Variants in TNS1 observed in about 807,000 individuals in gnomAD.
The protein encoded by TNS1 is tensin 1, also known as tensin-1.
In TNS1, 62 loss-of-function variants were observed where a neutral mutation model predicts 168.6. The observed-to-expected ratio is 0.37, with a 90% CI of 0.30 to 0.45. The LOEUF is 0.45. TNS1 is among the 20% of genes least tolerant of loss of function. TNS1 has a pLI of 1.00. For synonymous variants in TNS1, 934 were observed against 933.2 expected (o/e 1.00, Z -0.02); for missense variants, 2,240 against 2,339.4 (o/e 0.96, Z 0.88).
Position 217,804,310 on chromosome 2 carries a change from T to A in TNS1, c.*149A>T. 3.2e-5 allele frequency: 22 copies of A among 693,788 alleles called. No homozygotes were observed. Among genetic ancestry groups the A allele is most frequent in the Non-Finnish European group, 3.8e-5 (16 of 416,296 alleles). The allele number at this position is 693,788 out of a possible 1,614,324, so 43.0% of individuals were successfully genotyped here. On this transcript the variant is annotated 3_prime_UTR_variant, in exon 33 of 33. Coordinates refer to ENST00000682258, the MANE Select transcript of TNS1 (RefSeq NM_001387777.1). ...TCTCTTTTCCCCCTCCCCTCTGCAA[T>A]TCACTTCCCTCTCCCCACGTTGCAC...
chr2:217,859,160 C>T, intron 18 of TNS1: 1 of 164,408 alleles, frequency 6.1e-6, no homozygotes, highest in Non-Finnish European at 1.3e-5. Flanking sequence ...AATCTGGGAG[C>T]AAAGTGAAAC....
At chr2:217,829,431 T>A (rs1413909334) in intron 22 of TNS1, among the ~76,000 whole-genome samples, 2 of 152,060 alleles carry the variant, frequency 1.3e-5, no homozygotes, top group Non-Finnish European at 1.5e-5. Flanking sequence ...GGTGCCAACG[T>A]GGAGAATCTC....
chr2:217,967,146 C>T (rs986119884), intron 3 of TNS1, among the ~76,000 whole-genome samples: 47 of 152,014 alleles, frequency 3.1e-4, no homozygotes, highest in Admixed American at 1.0e-3. Context: ...GGTGAAACCC[C>T]ATCTCTACTA....
chr2:217,937,539 G>C (rs187971239), intron 3 of TNS1, among the ~76,000 whole-genome samples: 4 of 152,202 alleles, frequency 2.6e-5, no homozygotes, highest in East Asian at 1.9e-4. Context: ...AGTCTCAGCC[G>C]GTGATTAGGG....
intron 18 of TNS1, among the ~76,000 whole-genome samples, chr2:217,872,323 T>C (rs1408235447): frequency 6.6e-6 from 1 of 152,122 alleles, no homozygotes; most frequent in Non-Finnish European, 1.5e-5. Context: ...AAGGGACCTG[T>C]TGCCAGAATA....
At chr2:217,872,563 G>C (rs1186683017) in intron 18 of TNS1, among the ~76,000 whole-genome samples, 12 of 152,236 alleles carry the variant, frequency 7.9e-5, no homozygotes, top group Admixed American at 7.8e-4. Flanking sequence ...ATAAATGTGG[G>C]TGAGGATGCG....
At chr2:218,006,887 C>T (rs1462699193), upstream of TNS1, among the ~76,000 whole-genome samples, 2 of 152,096 alleles carry the variant, frequency 1.3e-5, no homozygotes, top group Non-Finnish European at 2.9e-5. Context: ...CTCAGGGCAC[C>T]GCTAGCCTAA....
chr2:217,857,662 TC>T (rs1481972950), intron 18 of TNS1, among the ~76,000 whole-genome samples: 4 of 152,178 alleles, frequency 2.6e-5, no homozygotes. Flanking sequence ...TTGACTTCAG[TC>T]CCGAGAGACC....
upstream of TNS1, among the ~76,000 whole-genome samples, chr2:218,004,505 T>C (rs775630562): frequency 9.2e-5 from 14 of 152,078 alleles, no homozygotes; most frequent in Non-Finnish European, 1.8e-4. Context: ...ACCCAAGACA[T>C]CTACCTGGGA....
At chr2:217,930,726 C>T (rs923178262) in intron 3 of TNS1, among the ~76,000 whole-genome samples, 5 of 152,254 alleles carry the variant, frequency 3.3e-5, no homozygotes, top group South Asian at 4.2e-4. Flanking sequence ...TGCTGAGGCA[C>T]GCGGCCGGAG....
chr2:217,882,544 T>A, intron 16 of TNS1, 133 bp from the exon 17 acceptor site: 2 of 552,120 alleles, frequency 3.6e-6, no homozygotes, highest in African/African-American at 1.9e-5. Context: ...CAATGTATAT[T>A]TATACATATA....
At chr2:217,936,193 C>T (rs934435276) in intron 3 of TNS1, among the ~76,000 whole-genome samples, 13 of 152,004 alleles carry the variant, frequency 8.6e-5, no homozygotes, top group African/African-American at 2.4e-4. Flanking sequence ...CACTCCTGTT[C>T]GTTCATTCAT....
At chr2:217,822,021 C>T (rs1433773219) in intron 22 of TNS1, 83 bp from the exon 23 acceptor site, 10 of 1,375,974 alleles carry the variant, frequency 7.3e-6, no homozygotes, top group Admixed American at 2.7e-5. Context: ...CCCTGGAACA[C>T]AGCTTCCTGG....
intron 3 of TNS1, among the ~76,000 whole-genome samples, chr2:217,941,323 G>A (rs1426363052): frequency 1.3e-5 from 2 of 152,228 alleles, no homozygotes; most frequent in African/African-American, 4.8e-5. Flanking sequence ...GGTGAAGCCT[G>A]TGGTGCTTGC....
At position 217,848,036 on chromosome 2, in the gene TNS1, C is replaced by T. The variant is rs1418692904; in HGVS notation, c.2481G>A (p.Gln827=). The change falls in exon 19 of 33, where the codon CAG becomes CAA. Residue 827 remains glutamine (Q), a synonymous_variant. Coordinates refer to ENST00000682258, the MANE Select transcript of TNS1 (RefSeq NM_001387777.1). ...TTTCGATGGACTGTTCAATCTCCTG[C>T]TGGGAGGCTGCTCGCGGGAACTCAG... ...SLPEFPRAAS[Q]QEIEQSIETL... 3 of 1,527,276 alleles carry T rather than the reference C, an allele frequency of 2.0e-6. No individual in the cohort carries two copies. Among genetic ancestry groups the T allele is most frequent in the Non-Finnish European group, 2.6e-6 (3 of 1,137,636 alleles). The allele number at this position is 1,527,276 out of a possible 1,614,324, so 94.6% of individuals were successfully genotyped here.
intron 7 of TNS1, among the ~76,000 whole-genome samples, chr2:217,898,406 G>C (rs1049779971): frequency 1.3e-5 from 2 of 152,204 alleles, no homozygotes; most frequent in Admixed American, 6.5e-5. Context: ...GAGAGCCTGC[G>C]CTGGGCGCTC....
intron 18 of TNS1, among the ~76,000 whole-genome samples, chr2:217,864,641 C>T (rs1403759893): frequency 6.6e-6 from 1 of 152,224 alleles, no homozygotes; most frequent in African/African-American, 2.4e-5. Flanking sequence ...CAAGTGAGCA[C>T]TGTCCCCATC....
chr2:217,946,965 T>TCACACACACACA (rs1434475994), intron 3 of TNS1, among the ~76,000 whole-genome samples: 1 of 130,576 alleles, frequency 7.7e-6, no homozygotes, highest in African/African-American at 3.8e-5. Context: ...TCTCTCTCTC[T>TCACACACACACA]CTCTCACACA....
chr2:217,965,440 C>T (rs952133751), intron 3 of TNS1, among the ~76,000 whole-genome samples: 2 of 152,126 alleles, frequency 1.3e-5, no homozygotes, highest in African/African-American at 4.8e-5. Context: ...CCTCCTAAGC[C>T]GGAGGCCACA....
Sources: gnomAD v4.1 joint callset for allele counts (sites outside exome capture counted in the v4.1 genomes callset) on GRCh38, gnomAD v4.1.1 for gene constraint, MANE v1.5 for transcripts, NCBI Gene and HGNC (gene_info 2026-07-23, HGNC 2026-07-21) for gene names.